Variants in KLHL1 observed in about 807,000 individuals in gnomAD.
The protein encoded by KLHL1 is kelch like family member 1, also known as kelch-like protein 1.
Under a neutral mutation model 77.7 loss-of-function variants are expected in KLHL1, and 47 were observed. That is an observed-to-expected ratio of 0.60 (90% confidence interval 0.48 to 0.77). The LOEUF (loss-of-function observed/expected upper bound fraction) is 0.77, where lower values mean the gene tolerates loss of function less well. Ranked by LOEUF, KLHL1 falls within the 30% of genes least tolerant of loss-of-function variation. The pLI is 0.00. For missense variants in KLHL1, 925 were observed against 910.8 expected (o/e 1.02, Z -0.20); for synonymous variants, 360 against 325.2 (o/e 1.11, Z -1.15).
intron 4 of KLHL1, among the ~76,000 whole-genome samples, chr13:69,939,378 T>TATATATACATACAC (rs1200160699): frequency 1.4e-5 from 1 of 70,822 alleles, no homozygotes; most frequent in South Asian, 4.6e-4. Context: ...TATATATATA[T>TATATATACATACAC]ACACACACAC....
At chr13:69,764,543 G>T (rs1308442649) in intron 7 of KLHL1, among the ~76,000 whole-genome samples, 1 of 150,224 alleles carries the variant, frequency 6.7e-6, no homozygotes, top group African/African-American at 2.4e-5. Context: ...ACTAAAAAAT[G>T]GCACAAAGAA....
At chr13:70,013,558 T>C (rs1885587174) in intron 1 of KLHL1, among the ~76,000 whole-genome samples, 1 of 152,248 alleles carries the variant, frequency 6.6e-6, no homozygotes, top group African/African-American at 2.4e-5. Flanking sequence ...TCTTTGTATT[T>C]TAATAGACTG....
At chr13:70,014,176 T>C (rs1173581835) in intron 1 of KLHL1, among the ~76,000 whole-genome samples, 3 of 152,098 alleles carry the variant, frequency 2.0e-5, no homozygotes, top group East Asian at 1.9e-4. Flanking sequence ...AGAAAAAGAA[T>C]TGATTTTTCT....
At chr13:69,968,470 G>T (rs2137280733) in intron 2 of KLHL1, among the ~76,000 whole-genome samples, 1 of 150,370 alleles carries the variant, frequency 6.7e-6, no homozygotes, top group African/African-American at 2.4e-5. Context: ...TTCAGGGTGT[G>T]CCTGTACAGA....
At chr13:69,957,850 C>T (rs1054736249) in intron 3 of KLHL1, among the ~76,000 whole-genome samples, 1 of 151,638 alleles carries the variant, frequency 6.6e-6, no homozygotes, top group African/African-American at 2.4e-5. Context: ...GCTTATACTG[C>T]TAATTAAGAA....
intron 5 of KLHL1, among the ~76,000 whole-genome samples, chr13:69,849,661 C>G (rs1278597743): frequency 2.0e-5 from 3 of 151,260 alleles, no homozygotes; most frequent in East Asian, 1.9e-4. Context: ...AGATTTTGAA[C>G]AGTTACCATA....
intron 7 of KLHL1, among the ~76,000 whole-genome samples, chr13:69,741,579 C>T (rs1164634986): frequency 6.6e-6 from 1 of 152,122 alleles, no homozygotes; most frequent in Admixed American, 6.6e-5. Flanking sequence ...CCCCAATTCC[C>T]ATAGGGTGAT....
chr13:69,849,881 T>C (rs1042656358), intron 5 of KLHL1, among the ~76,000 whole-genome samples: 14 of 151,614 alleles, frequency 9.2e-5, no homozygotes, highest in African/African-American at 3.1e-4. Flanking sequence ...AGTTTGAAAA[T>C]ATATAATTCA....
At chr13:69,732,176 T>C (rs1245553217) in intron 8 of KLHL1, among the ~76,000 whole-genome samples, 3 of 152,076 alleles carry the variant, frequency 2.0e-5, no homozygotes, top group Admixed American at 6.6e-5. Context: ...AATTCATGTA[T>C]TTTTTTAACT....
intron 1 of KLHL1, among the ~76,000 whole-genome samples, chr13:70,071,477 C>CTAA (rs1887135596): frequency 2.0e-5 from 3 of 151,958 alleles, no homozygotes; most frequent in Admixed American, 2.0e-4. Context: ...AGTGGTTGAA[C>CTAA]TAAATAACAG....
intron 1 of KLHL1, 124 bp from the exon 2 acceptor site, chr13:69,975,926 T>G (rs540284738): frequency 1.6e-6 from 2 of 1,213,452 alleles, no homozygotes; most frequent in South Asian, 4.2e-5. Flanking sequence ...TCTGTGTTTA[T>G]TTTTATATTT....
At chr13:69,742,464 C>T (rs1202904111) in intron 7 of KLHL1, among the ~76,000 whole-genome samples, 2 of 152,128 alleles carry the variant, frequency 1.3e-5, no homozygotes, top group Non-Finnish European at 2.9e-5. Context: ...CTCATTTATT[C>T]ATTCATTCAT....
intron 1 of KLHL1, among the ~76,000 whole-genome samples, chr13:70,092,064 T>C (rs1887683323): frequency 6.6e-6 from 1 of 152,054 alleles, no homozygotes; most frequent in Non-Finnish European, 1.5e-5. Flanking sequence ...ACCAAGGAAA[T>C]GAATTTTGTC....
chr13:70,075,617 CAT>C (rs540316161), intron 1 of KLHL1, among the ~76,000 whole-genome samples: 3 of 122,672 alleles, frequency 2.4e-5, no homozygotes, highest in African/African-American at 6.1e-5. Context: ...ATAGGACTTA[CAT>C]ATATATATGT....
At chr13:69,814,778 T>A (rs368758643) in intron 6 of KLHL1, among the ~76,000 whole-genome samples, 1 of 152,072 alleles carries the variant, frequency 6.6e-6, no homozygotes, top group African/African-American at 2.4e-5. Context: ...TTTGGGAGGC[T>A]AAGGCAGGTG....
At chr13:69,712,098 T>A (rs1265552098) in intron 9 of KLHL1, among the ~76,000 whole-genome samples, 1 of 152,118 alleles carries the variant, frequency 6.6e-6, no homozygotes, top group Non-Finnish European at 1.5e-5. Flanking sequence ...TTTGCCTATA[T>A]ATTGGAAACA....
At chr13:69,732,805 C>A (rs1355891949) in intron 8 of KLHL1, among the ~76,000 whole-genome samples, 4 of 152,018 alleles carry the variant, frequency 2.6e-5, no homozygotes, top group Non-Finnish European at 5.9e-5. Flanking sequence ...AAGCCATTGG[C>A]GCCAGCAGAT....
chr13:69,922,177 T>C (rs1041722944), intron 4 of KLHL1, among the ~76,000 whole-genome samples: 9 of 152,034 alleles, frequency 5.9e-5, no homozygotes, highest in African/African-American at 2.2e-4. Flanking sequence ...TAACTCCTGG[T>C]CTCAAGGGAT....
chr13:69,708,261 T>C (rs959374398), intron 9 of KLHL1, among the ~76,000 whole-genome samples: 1 of 151,950 alleles, frequency 6.6e-6, no homozygotes, highest in African/African-American at 2.4e-5. Context: ...AAGGAAAGAT[T>C]TGTGCAAAAA....
Sources: gnomAD v4.1 joint callset for allele counts (sites outside exome capture counted in the v4.1 genomes callset) on GRCh38, gnomAD v4.1.1 for gene constraint, MANE v1.5 for transcripts, NCBI Gene and HGNC (gene_info 2026-07-23, HGNC 2026-07-21) for gene names.